EEIG2: variants seen among roughly 807,000 people sequenced by gnomAD.
The protein encoded by EEIG2 is family with sequence similarity 102 member B.
the EEIG2 span, among the ~76,000 whole-genome samples, chr1:108,591,137 A>G: frequency 6.6e-6 from 1 of 152,360 alleles, no homozygotes; most frequent in Admixed American, 6.5e-5. Flanking sequence ...AATGACTCAC[A>G]TAACGGAAAC....
the EEIG2 span, among the ~76,000 whole-genome samples, chr1:108,570,422 G>C: frequency 5.3e-5 from 8 of 152,188 alleles, no homozygotes; most frequent in Non-Finnish European, 7.3e-5. Flanking sequence ...TGCAAAGTTA[G>C]TGGTTTGGTT....
the EEIG2 span, among the ~76,000 whole-genome samples, chr1:108,560,910 A>C: frequency 6.6e-6 from 1 of 152,134 alleles, no homozygotes; most frequent in African/African-American, 2.4e-5. Flanking sequence ...AAATAACCCA[A>C]ACTGCAGGAG....
At chr1:108,623,896 T>A in the EEIG2 span, among the ~76,000 whole-genome samples, 2,073 of 152,052 alleles carry the variant, frequency 0.014, 57 homozygotes, top group African/African-American at 0.048. Context: ...GGTCTCGAAC[T>A]CCTGACCTCA....
At chr1:108,569,623 T>A in the EEIG2 span, among the ~76,000 whole-genome samples, 17 of 152,296 alleles carry the variant, frequency 1.1e-4, no homozygotes, top group African/African-American at 3.9e-4. Flanking sequence ...GTACCTAGCC[T>A]CACCTAAATG....
At chr1:108,565,187 T>C in the EEIG2 span, among the ~76,000 whole-genome samples, 1 of 152,220 alleles carries the variant, frequency 6.6e-6, no homozygotes, top group Non-Finnish European at 1.5e-5. Flanking sequence ...GGCTAAATTG[T>C]TGTCTAATAA....
At chr1:108,600,307 A>G in the EEIG2 span, among the ~76,000 whole-genome samples, 3 of 152,356 alleles carry the variant, frequency 2.0e-5, no homozygotes, top group Admixed American at 6.5e-5. Context: ...GAATGAATGA[A>G]TGGTGTAGCC....
chr1:108,592,656 A>G, the EEIG2 span, among the ~76,000 whole-genome samples: 11 of 152,144 alleles, frequency 7.2e-5, no homozygotes, highest in Admixed American at 2.0e-4. Flanking sequence ...AATATGTACA[A>G]TAGGTTCCAG....
chr1:108,570,054 T>C, the EEIG2 span, among the ~76,000 whole-genome samples: 2 of 152,230 alleles, frequency 1.3e-5, no homozygotes, highest in South Asian at 4.1e-4. Flanking sequence ...CTCTTTTAAT[T>C]ACCTTCATGA....
chr1:108,597,809 T>C, the EEIG2 span, among the ~76,000 whole-genome samples: 1 of 152,238 alleles, frequency 6.6e-6, no homozygotes, highest in Non-Finnish European at 1.5e-5. Flanking sequence ...TAAATTTGTA[T>C]ATAATTTTGT....
At chr1:108,594,597 T>C in the EEIG2 span, among the ~76,000 whole-genome samples, 2 of 152,196 alleles carry the variant, frequency 1.3e-5, no homozygotes, top group Admixed American at 1.3e-4. Flanking sequence ...ATTTAGTAGT[T>C]AATATGTGTA....
At chr1:108,628,907 A>T in the EEIG2 span, 1 of 961,208 alleles carries the variant, frequency 1.0e-6, no homozygotes, top group Admixed American at 2.7e-5. Context: ...TGACTGTTGC[A>T]TATTTGTATA....
chr1:108,635,014 C>A, the EEIG2 span: 2 of 1,147,200 alleles, frequency 1.7e-6, no homozygotes, highest in African/African-American at 1.5e-5. Context: ...TAGAAAAATA[C>A]CCAGTGCCCC....
the EEIG2 span, among the ~76,000 whole-genome samples, chr1:108,566,385 C>G: frequency 3.3e-5 from 5 of 151,936 alleles, no homozygotes; most frequent in Non-Finnish European, 7.4e-5. Context: ...ACCAACTTGC[C>G]CTTCAGTGCA....
the EEIG2 span, among the ~76,000 whole-genome samples, chr1:108,591,692 G>A: frequency 2.8e-4 from 42 of 152,146 alleles, no homozygotes; most frequent in Admixed American, 2.6e-3. Flanking sequence ...AGTGCTCTAG[G>A]GTAGGGAAAA....
chr1:108,587,618 GCA>G, the EEIG2 span, among the ~76,000 whole-genome samples: 1 of 151,982 alleles, frequency 6.6e-6, no homozygotes. Flanking sequence ...TTTTCTATCT[GCA>G]CAGTTTTGCC....
the EEIG2 span, chr1:108,626,334 A>G: frequency 6.6e-6 from 1 of 152,142 alleles, no homozygotes; most frequent in Non-Finnish European, 1.5e-5. Context: ...GAGTCTAACT[A>G]AGTTCTTCAT....
chr1:108,597,702 T>A, the EEIG2 span, among the ~76,000 whole-genome samples: 1 of 152,212 alleles, frequency 6.6e-6, no homozygotes, highest in Admixed American at 6.5e-5. Flanking sequence ...CTAGTTCTCT[T>A]TGTCCCTGTG....
At chr1:108,616,377 T>C in the EEIG2 span, 1,204 of 1,586,826 alleles carry the variant, frequency 7.6e-4, 5 homozygotes, top group African/African-American at 0.014. Flanking sequence ...TTGTTTTATA[T>C]TTAGGTTTTG....
the EEIG2 span, among the ~76,000 whole-genome samples, chr1:108,580,335 C>G: frequency 6.8e-6 from 1 of 146,394 alleles, no homozygotes; most frequent in Admixed American, 7.0e-5. Context: ...CTCCCTATTC[C>G]CTGAGACAAA....
Sources: allele counts gnomAD v4.1 joint callset (sites outside exome capture counted in the v4.1 genomes callset), GRCh38; gene constraint gnomAD v4.1.1; transcripts MANE v1.5; gene names NCBI Gene and HGNC (gene_info 2026-07-23, HGNC 2026-07-21).